FAM13A: variants seen among roughly 807,000 people sequenced by gnomAD.
FAM13A encodes protein FAM13A.
In FAM13A, 76 loss-of-function variants were observed where a neutral mutation model predicts 129.6. The observed-to-expected ratio is 0.59, with a 90% CI of 0.49 to 0.71. The LOEUF is 0.71. Among genes scored for constraint, FAM13A ranks in the 30% least tolerant of loss-of-function variants. The pLI is 0.00. For missense variants in FAM13A, 1,108 were observed against 1,249.3 expected (o/e 0.89, Z 1.70); for synonymous variants, 443 against 449.9 (o/e 0.98, Z 0.20).
At chr4:89,054,659 TA>T (rs1772001887) in intron 1 of FAM13A, among the ~76,000 whole-genome samples, 1 of 152,136 alleles carries the variant, frequency 6.6e-6, no homozygotes, top group East Asian at 1.9e-4. Context: ...GCAATTGTCT[TA>T]AGATCTACTT....
intron 19 of FAM13A, 91 bp downstream of exon 19, chr4:88,746,841 G>A: frequency 3.6e-6 from 3 of 836,100 alleles, no homozygotes; most frequent in Non-Finnish European, 6.1e-6. Flanking sequence ...GCAAACATTA[G>A]GGAACCCCAT....
At chr4:88,996,929 G>A (rs1175517461) in intron 3 of FAM13A, among the ~76,000 whole-genome samples, 1 of 152,150 alleles carries the variant, frequency 6.6e-6, no homozygotes, top group Non-Finnish European at 1.5e-5. Flanking sequence ...TAGGAATACA[G>A]TACATCTATA....
In FAM13A at chr4:88,746,921, A is replaced by T; in HGVS notation, c.2466+11T>A. On this transcript the variant is annotated intron_variant, in intron 19 of 23. Coordinates refer to ENST00000264344, the MANE Select transcript of FAM13A (RefSeq NM_014883.4). ...ATTGACCCCAATCAGAAAATTTACT[A>T]CATCACATACCGGCCGTCCATGAAT... The T allele has an allele frequency of 6.3e-7, 1 of 1,588,108 alleles. No homozygotes were observed. The highest frequency in any genetic ancestry group is 8.6e-7 in the Non-Finnish European group (1 of 1,156,618).
chr4:88,950,876 T>C (rs1277723811), intron 4 of FAM13A, among the ~76,000 whole-genome samples: 1 of 152,242 alleles, frequency 6.6e-6, no homozygotes, highest in African/African-American at 2.4e-5. Context: ...AATTCTGTTA[T>C]GGCCAACAGC....
intron 2 of FAM13A, among the ~76,000 whole-genome samples, chr4:89,020,979 G>C (rs1708672): frequency 0.1 from 15,953 of 152,198 alleles, 908 homozygotes; most frequent in African/African-American, 0.14. Flanking sequence ...TAATCTTCTA[G>C]AGCACATAAC....
intron 5 of FAM13A, among the ~76,000 whole-genome samples, chr4:88,908,810 G>A (rs749234387): frequency 2.6e-5 from 4 of 152,136 alleles, no homozygotes; most frequent in South Asian, 2.1e-4. Context: ...TCAGAGTTGC[G>A]TTCCCAGTGC....
At chr4:88,912,597 A>C (rs1749260809) in intron 5 of FAM13A, among the ~76,000 whole-genome samples, 1 of 149,734 alleles carries the variant, frequency 6.7e-6, no homozygotes, top group Admixed American at 6.6e-5. Flanking sequence ...ACACACACAC[A>C]CACACACCTC....
intron 6 of FAM13A, among the ~76,000 whole-genome samples, chr4:88,874,819 G>T (rs1057242317): frequency 3.3e-5 from 5 of 152,172 alleles, no homozygotes; most frequent in Non-Finnish European, 2.9e-5. Flanking sequence ...CCAAGAAAGA[G>T]CCTGCATTGC....
At chr4:89,043,672 A>G (rs1264897623) in intron 1 of FAM13A, among the ~76,000 whole-genome samples, 1 of 152,204 alleles carries the variant, frequency 6.6e-6, no homozygotes, top group African/African-American at 2.4e-5. Context: ...CGGAAACTAT[A>G]AACTAACAAA....
chr4:88,969,880 T>C (rs1385436736), intron 4 of FAM13A, among the ~76,000 whole-genome samples: 1 of 152,228 alleles, frequency 6.6e-6, no homozygotes, highest in African/African-American at 2.4e-5. Context: ...CTGAAGCCTA[T>C]GCTCTGAAGT....
intron 5 of FAM13A, among the ~76,000 whole-genome samples, chr4:88,918,862 C>T (rs76630733): frequency 6.6e-6 from 1 of 152,188 alleles, no homozygotes; most frequent in Non-Finnish European, 1.5e-5. Flanking sequence ...AGCCACATGA[C>T]AAGCCAATTC....
chr4:88,855,612 T>C (rs78579787), intron 6 of FAM13A: 1 of 152,032 alleles, frequency 6.6e-6, no homozygotes, highest in African/African-American at 2.4e-5. Flanking sequence ...CACACAATAA[T>C]TTGTTTTGAA....
chr4:88,905,008 A>C (rs895742165), intron 6 of FAM13A, among the ~76,000 whole-genome samples: 1 of 152,192 alleles, frequency 6.6e-6, no homozygotes, highest in Admixed American at 6.5e-5. Flanking sequence ...AAAAAATTAC[A>C]GCTGAACATT....
intron 6 of FAM13A, among the ~76,000 whole-genome samples, chr4:88,868,590 A>G (rs1740836180): frequency 6.6e-6 from 1 of 152,154 alleles, no homozygotes; most frequent in African/African-American, 2.4e-5. Flanking sequence ...TCTATAATCC[A>G]TACTCTTTGG....
chr4:88,764,856 A>T (rs1195815366), intron 13 of FAM13A, among the ~76,000 whole-genome samples: 1 of 152,206 alleles, frequency 6.6e-6, no homozygotes, highest in African/African-American at 2.4e-5. Flanking sequence ...AACAAATTTT[A>T]ATCCAAACCA....
intron 23 of FAM13A, chr4:88,729,773 CG>C (rs1302860071): frequency 1.3e-5 from 2 of 152,000 alleles, no homozygotes. Flanking sequence ...GGGTGGTTTG[CG>C]TAATTCTACA....
At chr4:88,975,217 AG>A (rs930929236) in intron 4 of FAM13A, among the ~76,000 whole-genome samples, 2 of 152,194 alleles carry the variant, frequency 1.3e-5, no homozygotes, top group African/African-American at 2.4e-5. Flanking sequence ...AACAGAGGGC[AG>A]AGCAGAATCC....
chr4:88,965,569 A>G (rs1387149833), intron 4 of FAM13A, among the ~76,000 whole-genome samples: 1 of 131,768 alleles, frequency 7.6e-6, no homozygotes, highest in African/African-American at 2.8e-5. Flanking sequence ...AGTTTTTTTA[A>G]GTTAAAAAAA....
chr4:88,822,921 C>A, intron 7 of FAM13A: 2 of 1,598,114 alleles, frequency 1.3e-6, no homozygotes, highest in Non-Finnish European at 8.5e-7. Context: ...AGTTATATGG[C>A]TTGATACAAC....
Sources: gnomAD v4.1 joint callset for allele counts (sites outside exome capture counted in the v4.1 genomes callset) on GRCh38, gnomAD v4.1.1 for gene constraint, MANE v1.5 for transcripts, NCBI Gene and HGNC (gene_info 2026-07-23, HGNC 2026-07-21) for gene names.